The following STAT5B variants were observed in gnomAD, a reference collection of about 807,000 sequenced individuals.
STAT5B encodes transcription factor STAT5B.
Under a neutral mutation model 107.8 loss-of-function variants are expected in STAT5B, and 21 were observed. That is an observed-to-expected ratio of 0.19 (90% CI 0.14 to 0.28). The LOEUF is 0.28. STAT5B is among the 10% of genes least tolerant of loss of function. STAT5B has a pLI of 1.00. For synonymous variants in STAT5B, 325 were observed against 401.7 expected (o/e 0.81, Z 2.28); for missense variants, 565 against 1,008.2 (o/e 0.56, Z 5.95).
At chr17:42,263,910 C>CACAG (rs1414409077) in intron 1 of STAT5B, among the ~76,000 whole-genome samples, 7 of 145,616 alleles carry the variant, frequency 4.8e-5, no homozygotes, top group Non-Finnish European at 1.1e-4. Flanking sequence ...CACACACACA[C>CACAG]AGGGAACTCC....
chr17:42,263,863 G>A (rs1002026676), intron 1 of STAT5B, among the ~76,000 whole-genome samples: 1 of 102,982 alleles, frequency 9.7e-6, no homozygotes, highest in Non-Finnish European at 1.9e-5. Flanking sequence ...AAAGATACTA[G>A]AAAGCGCGCA....
chr17:42,274,849 C>A (rs1446055411), intron 1 of STAT5B: 1 of 152,154 alleles, frequency 6.6e-6, no homozygotes, highest in Non-Finnish European at 1.5e-5. Context: ...GACCCAACAG[C>A]TGAAAGCTTA....
At position 42,218,890 on chromosome 17, in the gene STAT5B, C is replaced by G. The variant is rs775782900; in HGVS notation, c.834-12G>C. The G allele has an allele frequency of 1.9e-6, 3 of 1,613,798 alleles. No individual in the cohort carries two copies. The highest frequency in any genetic ancestry group is 2.5e-6 in the Non-Finnish European group (3 of 1,179,850). ...CCAACTTCTCACACCTGCACGAGAG[C>G]CCCAAGGCCAACAGGAGGACAATGG... On this transcript the variant is annotated splice_polypyrimidine_tract_variant and intron_variant, in intron 7 of 18. Coordinates refer to ENST00000293328, the MANE Select transcript of STAT5B (RefSeq NM_012448.4).
chr17:42,248,871 A>T (rs2080475213), intron 1 of STAT5B, among the ~76,000 whole-genome samples: 1 of 152,234 alleles, frequency 6.6e-6, no homozygotes, highest in Non-Finnish European at 1.5e-5. Context: ...AGTACGCAAT[A>T]GCATTTAGTT....
intron 9 of STAT5B, 73 bp from the exon 10 acceptor site, chr17:42,217,537 T>C (rs2080182660): frequency 7.0e-6 from 11 of 1,563,584 alleles, no homozygotes; most frequent in Non-Finnish European, 9.7e-6. Flanking sequence ...TAATATAATT[T>C]GGGGTAGCAG....
At chr17:42,269,919 G>C (rs544745002) in intron 1 of STAT5B, 1 of 151,748 alleles carries the variant, frequency 6.6e-6, no homozygotes, top group Admixed American at 6.6e-5. Context: ...TTAAAAATTC[G>C]CCCAAATAGG....
intron 1 of STAT5B, among the ~76,000 whole-genome samples, chr17:42,267,958 C>CA (rs776320350): frequency 0.031 from 1,781 of 56,892 alleles, 9 homozygotes; most frequent in Non-Finnish European, 0.039. Flanking sequence ...GACTCCATCT[C>CA]AAAAAAAAAA....
intron 1 of STAT5B, among the ~76,000 whole-genome samples, chr17:42,244,578 CA>C (rs2080435112): frequency 6.6e-6 from 1 of 152,072 alleles, no homozygotes; most frequent in Non-Finnish European, 1.5e-5. Context: ...AAGTTAAAAA[CA>C]AACAAAACAG....
At chr17:42,241,396 T>C (rs2080401087) in intron 1 of STAT5B, among the ~76,000 whole-genome samples, 1 of 150,798 alleles carries the variant, frequency 6.6e-6, no homozygotes, top group African/African-American at 2.4e-5. Flanking sequence ...TTTCTGTTGA[T>C]ACCAACATTA....
chr17:42,237,938 C>T (rs905895057), intron 1 of STAT5B, among the ~76,000 whole-genome samples: 1 of 152,188 alleles, frequency 6.6e-6, no homozygotes, highest in African/African-American at 2.4e-5. Context: ...TGTAAGTACT[C>T]ACTACTGTTC....
At chr17:42,268,686 G>C (rs2080695706) in intron 1 of STAT5B, 1 of 152,046 alleles carries the variant, frequency 6.6e-6, no homozygotes, top group African/African-American at 2.4e-5. Flanking sequence ...ATCAGAAACA[G>C]ATCACCAATC....
chr17:42,265,694 C>T (rs966576572), intron 1 of STAT5B, among the ~76,000 whole-genome samples: 31 of 151,970 alleles, frequency 2.0e-4, no homozygotes, highest in Admixed American at 6.6e-4. Context: ...TATCAAACTG[C>T]CATCCAAAAA....
At chr17:42,241,151 C>T (rs2080398222) in intron 1 of STAT5B, among the ~76,000 whole-genome samples, 1 of 151,582 alleles carries the variant, frequency 6.6e-6, no homozygotes, top group Non-Finnish European at 1.5e-5. Context: ...CCAGCCTGAC[C>T]AACATGGAGA....
intron 4 of STAT5B, 135 bp downstream of exon 4, chr17:42,224,644 T>C (rs2080258042): frequency 2.3e-6 from 2 of 876,854 alleles, no homozygotes; most frequent in South Asian, 1.4e-5. Flanking sequence ...ATTTCTTTTG[T>C]GCCCCTTAGG....
chr17:42,217,916 G>GGCTGGTCT, intron 9 of STAT5B: 1 of 609,912 alleles, frequency 1.6e-6, no homozygotes, highest in South Asian at 2.0e-5. Flanking sequence ...ATGTTGGCCA[G>GGCTGGTCT]GCTGGTCTTG....
intron 17 of STAT5B, 128 bp downstream of exon 17, chr17:42,202,629 G>C (rs2080054587): frequency 2.6e-6 from 4 of 1,549,814 alleles, no homozygotes; most frequent in South Asian, 1.1e-5. Flanking sequence ...ACCAAGCCCA[G>C]GTCCTTCCCC....
Position 42,207,675 on chromosome 17 carries a change from G to A in STAT5B, c.1960C>T (p.Arg654Trp). 1.9e-6 allele frequency: 3 copies of A among 1,614,112 alleles called. No individual in the cohort carries two copies. The highest frequency in any genetic ancestry group is 2.5e-6 in the Non-Finnish European group (3 of 1,180,024). Residue 654 changes from arginine (R) to tryptophan (W), a missense_variant, in exon 16 of 19, where the codon CGG becomes TGG. Arg to Trp is a moderately radical substitution (Grantham distance 101, BLOSUM62 -3). Transcript: ENST00000293328. ...TCTCCCAAGCGGTCGGCTAGGGACC[G>A]AATGGAGAAGTCTCTGGTGGTAAAA... ...MPFTTRDFSI[R>W]SLADRLGDLN... is the part of the protein sequence containing the mutation.
the STAT5B span, among the ~76,000 whole-genome samples, chr17:42,282,113 G>A: frequency 2.6e-5 from 4 of 152,178 alleles, no homozygotes; most frequent in African/African-American, 4.8e-5. Context: ...TCAAAGCTCC[G>A]GAAGTTCTGT....
chr17:42,227,053 TG>T (rs1486754495), intron 3 of STAT5B, among the ~76,000 whole-genome samples: 1 of 150,480 alleles, frequency 6.6e-6, no homozygotes, highest in East Asian at 1.9e-4. Flanking sequence ...AAGAATCGCT[TG>T]AACCCGGGAG....
Sources: gnomAD v4.1 joint callset for allele counts (sites outside exome capture counted in the v4.1 genomes callset) on GRCh38, gnomAD v4.1.1 for gene constraint, MANE v1.5 for transcripts, NCBI Gene and HGNC (gene_info 2026-07-23, HGNC 2026-07-21) for gene names.